Variants in AEBP1 observed in about 807,000 individuals in gnomAD.
AEBP1 encodes adipocyte enhancer-binding protein 1.
In AEBP1, 69 loss-of-function variants were observed where a neutral mutation model predicts 116.5. That is an observed-to-expected ratio of 0.59 (90% CI 0.49 to 0.72). The LOEUF (loss-of-function observed/expected upper bound fraction) is 0.72, where lower values mean the gene tolerates loss of function less well. Ranked by LOEUF, AEBP1 falls within the 30% of genes least tolerant of loss-of-function variation. The pLI is 0.00. For synonymous variants in AEBP1, 627 were observed against 627.3 expected (o/e 1.00, Z 0.01); for missense variants, 1,444 against 1,557.5 (o/e 0.93, Z 1.23).
chr7:44,110,980 G>C lies in AEBP1; in HGVS notation c.1553G>C (p.Arg518Pro), dbSNP rs750684335. The change falls in exon 13 of 21, where the codon CGT becomes CCT. Residue 518 changes from arginine (R) to proline (P), a missense_variant. By Grantham distance (103) the Arg-to-Pro change is moderately radical. Coordinates refer to ENST00000223357, the MANE Select transcript of AEBP1 (RefSeq NM_001129.5). ...LSELPEPVVA[R>P]FIRIYPLTWN... is the part of the protein sequence containing the mutation. ...GAGCTCCCAGAGCCGGTGGTGGCTC[G>C]TTTCATCCGCATCTACCCACTCACC... 20 of 1,613,808 alleles carry C rather than the reference G, an allele frequency of 1.2e-5. No homozygotes were observed. The highest frequency in any genetic ancestry group is 1.7e-5 in the Non-Finnish European group (20 of 1,180,010).
chr7:44,113,222 A>G lies in AEBP1; in HGVS notation c.2710-30A>G. The G allele has an allele frequency of 6.2e-7, 1 of 1,613,504 alleles. No individual in the cohort carries two copies. The highest frequency in any genetic ancestry group is 8.5e-7 in the Non-Finnish European group (1 of 1,179,750). On this transcript the variant is annotated intron_variant, in intron 19 of 20. Coordinates refer to ENST00000223357, the MANE Select transcript of AEBP1 (RefSeq NM_001129.5). The surrounding 1 kb of genome is among the most constrained non-coding windows in gnomAD (Gnocchi z 5.3). ...CAGCGGACCACATTGGACCTTCCTG[A>G]GGACCAGCAGCCCTCACCTGCTTCC... is the stretch of plus-strand genomic sequence containing the variant.
rs1264855392 is a variant in AEBP1 at position 44,107,910 on chromosome 7, C to T, written c.841C>T (p.Pro281Ser). Residue 281 changes from proline to serine, a missense_variant, in exon 5 of 21, where the codon CCA becomes TCA. Physicochemically the swap from Pro to Ser is moderately conservative, Grantham distance 74. Transcript: ENST00000223357. The surrounding 1 kb of genome is among the most constrained non-coding windows in gnomAD (Gnocchi z 4.3). Reference sequence around the variant, plus strand: ...GCCCCCTGAGGAGAAGGCCCCGGCCCCAGCCCCGGAGGAGAGGATTGGTAG... The same window carrying T: ...GCCCCCTGAGGAGAAGGCCCCGGCCTCAGCCCCGGAGGAGAGGATTGGTAG... ...PEPPEEKAPA[P>S]APEERIEPPV... 2.5e-6 allele frequency: 4 copies of T among 1,592,178 alleles called. No homozygotes were observed. Among genetic ancestry groups the T allele is most frequent in the Non-Finnish European group, 3.4e-6 (4 of 1,170,144 alleles).
In AEBP1 at chr7:44,112,773, C is replaced by G; in HGVS notation, c.2433C>G (p.Ile811Met). The G allele has an allele frequency of 6.2e-7, 1 of 1,613,006 alleles. No individual in the cohort carries two copies. The highest frequency in any genetic ancestry group is 8.5e-7 in the Non-Finnish European group (1 of 1,179,982). Residue 811 changes from isoleucine to methionine, a missense_variant, in exon 18 of 21, where the codon ATC becomes ATG. Transcript: ENST00000223357. This position sits in a 1 kb window ranked among gnomAD's most constrained non-coding sequence, Gnocchi z 6.6. Reference protein sequence around the residue: ...SEAQETPDHAIFRWLAISFAS... With the variant: ...SEAQETPDHAMFRWLAISFAS... The stretch of plus-strand genomic sequence containing the variant: ...CCCAGGAGACTCCAGACCACGCCAT[C>G]TTCCGGTGGCTTGCCATCTCCTTCG...
At position 44,106,586 on chromosome 7, in the gene AEBP1, G is replaced by A; in HGVS notation, c.294G>A (p.Lys98=). 1 of 1,608,102 alleles carries A rather than the reference G, an allele frequency of 6.2e-7. No homozygotes were observed. The highest frequency in any genetic ancestry group is 8.5e-7 in the Non-Finnish European group (1 of 1,178,454). ...CCAAAGACAAAGGGAAGAAAGGCAA[G>A]AAAGACAAAGGCCCCAAGGTGCCCA... ...EKTKDKGKKG[K]KDKGPKVPKE... is the part of the protein sequence containing the mutation. Residue 98 remains lysine, a synonymous_variant, in exon 2 of 21, where the codon AAG becomes AAA. Transcript: ENST00000223357.
chr7:44,112,503 T>C lies in AEBP1; in HGVS notation c.2218-55T>C, dbSNP rs1010690596. 2 of 1,371,568 alleles carry C rather than the reference T, an allele frequency of 1.5e-6. No individual in the cohort carries two copies. The highest frequency in any genetic ancestry group is 9.5e-7 in the Non-Finnish European group (1 of 1,049,742). 85.0% of individuals were successfully genotyped at this position (1,371,568 alleles called of 1,614,324 possible). On this transcript the variant is annotated intron_variant, in intron 17 of 20. Transcript: ENST00000223357. The surrounding 1 kb of genome is among the most constrained non-coding windows in gnomAD (Gnocchi z 6.6). ...CTTCATGGAGGGTGATCGGGCTAGG[T>C]TGGGGATAGTGGCCGGAGCTGCAGC...
In AEBP1 at chr7:44,114,225, AG is replaced by A; in HGVS notation, c.3442del (p.Val1148Ter). 1 of 1,610,822 alleles carries A rather than the reference AG, an allele frequency of 6.2e-7. No homozygotes were observed. The highest frequency in any genetic ancestry group is 8.5e-7 in the Non-Finnish European group (1 of 1,178,704). On this transcript the variant is annotated frameshift_variant, in exon 21 of 21. Coordinates refer to ENST00000223357, the MANE Select transcript of AEBP1 (RefSeq NM_001129.5). LOFTEE classifies it high-confidence loss of function. ...ATGQAFPFTT[V>X]ETYTVNFGDF is the part of the protein sequence containing the mutation. ...CTGGCCAGGCATTCCCCTTCACAAC[AG>A]TAGAGACCTACACAGTGAACTTTGG...
In AEBP1 at chr7:44,112,727, A is replaced by T. The variant is rs754683649; in HGVS notation, c.2387A>T (p.Asp796Val). The T allele has an allele frequency of 1.9e-6, 3 of 1,613,058 alleles. No homozygotes were observed. Among genetic ancestry groups the T allele is most frequent in the Non-Finnish European group, 8.5e-7 (1 of 1,179,932 alleles). Reference protein sequence around the residue: ...AAAMAAARGEDEDEVSEAQET... With the variant: ...AAAMAAARGEVEDEVSEAQET... ...GCCATGGCAGCAGCCCGGGGGGAGG[A>T]TGAGGACGAGGTCTCCGAGGCCCAG... The change falls in exon 18 of 21, where the codon GAT becomes GTT. Residue 796 changes from aspartate to valine, a missense_variant. Transcript: ENST00000223357. This position sits in a 1 kb window ranked among gnomAD's most constrained non-coding sequence, Gnocchi z 6.6.
Position 44,109,185 on chromosome 7 carries a change from G to T in AEBP1, c.1096+1G>T. 1 of 1,613,766 alleles carries T rather than the reference G, an allele frequency of 6.2e-7. No homozygotes were observed. The highest frequency in any genetic ancestry group is 1.1e-5 in the South Asian group (1 of 91,084). On this transcript the variant is annotated splice_donor_variant, in intron 8 of 20. Transcript: ENST00000223357. LOFTEE classifies it high-confidence loss of function. ...GTGGAGAAGGGCAAGGACCACAAAG[G>T]TGTGTGGCTGGGGCTTGGGGCCTGG...
chr7:44,112,492 A>G lies in AEBP1; in HGVS notation c.2218-66A>G. On this transcript the variant is annotated intron_variant, in intron 17 of 20. Transcript: ENST00000223357. This position sits in a 1 kb window ranked among gnomAD's most constrained non-coding sequence, Gnocchi z 6.6. ...CTGGTGTGAAGCTTCATGGAGGGTG[A>G]TCGGGCTAGGTTGGGGATAGTGGCC... 7.1e-7 allele frequency: 1 copy of G among 1,412,128 alleles called. No homozygotes were observed. Among genetic ancestry groups the G allele is most frequent in the South Asian group, 1.4e-5 (1 of 73,084 alleles). The allele number at this position is 1,412,128 out of a possible 1,614,324, so 87.5% of individuals were successfully genotyped here.
Position 44,108,574 on chromosome 7 carries a change from C to T in AEBP1, c.941-325C>T, listed in dbSNP as rs1045250999. Among the ~76,000 whole-genome samples the T allele has an allele frequency of 1.3e-5, 2 of 152,120 alleles. No individual in the cohort carries two copies. Among genetic ancestry groups the T allele is most frequent in the Non-Finnish European group, 2.9e-5 (2 of 68,010 alleles). ...GTCCCCATCAGTGCCTCCAATGTCT[C>T]CCCATCTCACCCCCCAGCCCGCAAC... On this transcript the variant is annotated intron_variant, in intron 6 of 20. Transcript: ENST00000223357. This position sits in a 1 kb window ranked among gnomAD's most constrained non-coding sequence, Gnocchi z 5.0.
chr7:44,110,304 G>A lies in AEBP1; in HGVS notation c.1358G>A (p.Arg453Gln), dbSNP rs144784842. 1.2e-4 allele frequency: 186 copies of A among 1,613,578 alleles called. No homozygotes were observed. Among genetic ancestry groups the A allele is most frequent in the Non-Finnish European group, 1.4e-4 (164 of 1,180,022 alleles). ...WIEVDTRRTT[R>Q]FTGVITQGRD... ...GAGGTGGACACCAGGAGGACTACCCGGTTCACAGGCGTCATCACCCAGGGC... is the reference window on the plus strand; with the variant it reads ...GAGGTGGACACCAGGAGGACTACCCAGTTCACAGGCGTCATCACCCAGGGC... Residue 453 changes from arginine (R) to glutamine (Q), a missense_variant, in exon 11 of 21, where the codon CGG becomes CAG. Coordinates refer to ENST00000223357, the MANE Select transcript of AEBP1 (RefSeq NM_001129.5).
chr7:44,109,414 T>A, intron 9 of AEBP1, 73 bp downstream of exon 9: 2 of 1,428,008 alleles, frequency 1.4e-6, no homozygotes, highest in Non-Finnish European at 1.9e-6. Context: ...ACTGGCCCAA[T>A]GTCACAAACA....
Position 44,106,812 on chromosome 7 carries a change from G to A in AEBP1, c.520G>A (p.Ala174Thr). The change falls in exon 2 of 21, where the codon GCT (alanine) becomes ACT (threonine). Residue 174 changes from alanine (A) to threonine (T), a missense_variant. Transcript: ENST00000223357. ...PPSGKRPPILAPSETLEWPLP... is the reference protein window; with the variant it reads ...PPSGKRPPILTPSETLEWPLP... ...GTCAGGGAAGAGGCCCCCCATTCTGGCTCCCTCAGAAACCCTGGAGTGGCC... is the reference window on the plus strand; with the variant it reads ...GTCAGGGAAGAGGCCCCCCATTCTGACTCCCTCAGAAACCCTGGAGTGGCC... The A allele has an allele frequency of 6.2e-7, 1 of 1,610,088 alleles. No homozygotes were observed. The highest frequency in any genetic ancestry group is 8.5e-7 in the Non-Finnish European group (1 of 1,178,772).
At position 44,112,563 on chromosome 7, in the gene AEBP1, C is replaced by A; in HGVS notation, c.2223C>A (p.Ser741=). 6.3e-7 allele frequency: 1 copy of A among 1,582,316 alleles called. No homozygotes were observed. Residue 741 remains serine, a synonymous_variant, in exon 18 of 21, where the codon TCC becomes TCA. Coordinates refer to ENST00000223357, the MANE Select transcript of AEBP1 (RefSeq NM_001129.5). The surrounding 1 kb of genome is among the most constrained non-coding windows in gnomAD (Gnocchi z 6.6). ...ACACGTGCTGGCCACTCCAGGTATC[C>A]ACGGAGGTCCGGGCCATCATTGCCT... ...ERYLSPDATV[S]TEVRAIIAWM...
At position 44,111,381 on chromosome 7, in the gene AEBP1, A is replaced by G; in HGVS notation, c.1717-126A>G. Reference sequence around the variant, plus strand: ...CCCTCACCTTAGGAAGGAGGCCAGTACCTGGGGGCTGCGTGAAGGGGTCAT... The same window carrying G: ...CCCTCACCTTAGGAAGGAGGCCAGTGCCTGGGGGCTGCGTGAAGGGGTCAT... On this transcript the variant is annotated intron_variant, in intron 14 of 20. Coordinates refer to ENST00000223357, the MANE Select transcript of AEBP1 (RefSeq NM_001129.5). This position sits in a 1 kb window ranked among gnomAD's most constrained non-coding sequence, Gnocchi z 4.7. The G allele has an allele frequency of 7.0e-7, 1 of 1,424,846 alleles. No individual in the cohort carries two copies. The highest frequency in any genetic ancestry group is 9.3e-7 in the Non-Finnish European group (1 of 1,075,758). The allele number at this position is 1,424,846 out of a possible 1,614,324, so 88.3% of individuals were successfully genotyped here.
rs758927897 is a variant in AEBP1 at position 44,111,828 on chromosome 7, G to A, written c.1841-26G>A. On this transcript the variant is annotated intron_variant, in intron 15 of 20. Transcript: ENST00000223357. The surrounding 1 kb of genome is among the most constrained non-coding windows in gnomAD (Gnocchi z 4.7). ...TGCCCTGGGCCTCGGGAGACTGAGT[G>A]CTCACTGAGGCTCCCGCCCTTGCAG... 1 of 1,603,448 alleles carries A rather than the reference G, an allele frequency of 6.2e-7. No homozygotes were observed. The highest frequency in any genetic ancestry group is 1.7e-4 in the Middle Eastern group (1 of 6,024).
chr7:44,110,817 C>T lies in AEBP1; in HGVS notation c.1485+8C>T, dbSNP rs764768375. ...AACGGCTATGAGGAAATGGTGGGCA[C>T]CATGCCCAGGCTCTTGGCTCTGCTC... On this transcript the variant is annotated splice_region_variant and intron_variant, in intron 12 of 20. Coordinates refer to ENST00000223357, the MANE Select transcript of AEBP1 (RefSeq NM_001129.5). 4 of 1,580,488 alleles carry T rather than the reference C, an allele frequency of 2.5e-6. No homozygotes were observed. The highest frequency in any genetic ancestry group is 3.4e-6 in the Non-Finnish European group (4 of 1,161,104).
rs745552944 is a variant in AEBP1, at chr7:44,106,553, G to A, written c.261G>A (p.Pro87=). The A allele has an allele frequency of 1.6e-5, 25 of 1,596,494 alleles. No individual in the cohort carries two copies. Among genetic ancestry groups the A allele is most frequent in the Admixed American group, 7.3e-5 (4 of 55,136 alleles). The part of the protein sequence containing the change: ...KRPGTAAEVP[P]EKTKDKGKKG... Reference sequence around the variant, plus strand: ...AGTCTGCATCTTGGACAGTGCCTCCGGAAAAGACCAAAGACAAAGGGAAGA... The same window carrying A: ...AGTCTGCATCTTGGACAGTGCCTCCAGAAAAGACCAAAGACAAAGGGAAGA... The change falls in exon 2 of 21, where the codon CCG becomes CCA. Residue 87 remains proline, a synonymous_variant. Coordinates refer to ENST00000223357, the MANE Select transcript of AEBP1 (RefSeq NM_001129.5).
rs1156876750 is a variant in AEBP1 at position 44,110,906 on chromosome 7, TC to T, written c.1486-3del. 1.2e-6 allele frequency: 2 copies of T among 1,613,868 alleles called. No homozygotes were observed. Among genetic ancestry groups the T allele is most frequent in the South Asian group, 2.2e-5 (2 of 91,084 alleles). On this transcript the variant is annotated splice_polypyrimidine_tract_variant and splice_region_variant and intron_variant, in intron 12 of 20. Coordinates refer to ENST00000223357, the MANE Select transcript of AEBP1 (RefSeq NM_001129.5). The stretch of plus-strand genomic sequence containing the variant: ...GCAGTACTGCTCTGAGGCCTGCCTC[TC>T]CCCAGACCTTTCATGGGAACGTGGA...
Sources: gnomAD v4.1 joint callset for allele counts (sites outside exome capture counted in the v4.1 genomes callset) on GRCh38, gnomAD v4.1.1 for gene constraint, Gnocchi (gnomAD v3.1) non-coding constraint, MANE v1.5 for transcripts, NCBI Gene and HGNC (gene_info 2026-07-23, HGNC 2026-07-21) for gene names.